Variants in ADGRG1 observed in about 807,000 individuals in gnomAD.
ADGRG1 encodes the protein adhesion G protein-coupled receptor G1.
In ADGRG1, 53 loss-of-function variants were observed where a neutral mutation model predicts 73.5. The observed-to-expected ratio is 0.72, with a 90% CI of 0.58 to 0.91. ADGRG1 has a LOEUF of 0.91. Among genes scored for constraint, ADGRG1 ranks in the 40% least tolerant of loss-of-function variants. The pLI is 0.00. For synonymous variants in ADGRG1, 394 were observed against 374.4 expected, an observed-to-expected ratio of 1.05 and a Z score of -0.60; for missense variants, 795 against 871.8, an observed-to-expected ratio of 0.91 and a Z score of 1.11.
intron 1 of ADGRG1, chr16:57,634,251 C>T (rs2038785370): frequency 1.1e-5 from 11 of 985,286 alleles, no homozygotes; most frequent in East Asian, 1.1e-4. Context: ...CCCTGGGTCT[C>T]GGACCCTGTG....
chr16:57,661,040 G>A (rs1197895535), intron 12 of ADGRG1, 164 bp downstream of exon 12: 1 of 165,558 alleles, frequency 6.0e-6, no homozygotes, highest in Non-Finnish European at 1.2e-5. Context: ...GTCATGGAGG[G>A]TGAGAAAAGG....
chr16:57,633,256 T>C, intron 1 of ADGRG1: 1 of 922,990 alleles, frequency 1.1e-6, no homozygotes, highest in Non-Finnish European at 1.3e-6. Flanking sequence ...CAAGAGGTTC[T>C]CCCTAAACCT....
chr16:57,644,279 C>T, intron 1 of ADGRG1: 1 of 751,098 alleles, frequency 1.3e-6, no homozygotes, highest in Middle Eastern at 6.8e-4. Context: ...CACACACACT[C>T]ATCACACACT....
chr16:57,655,210 CCAGCCAG>C (rs1189530894), intron 5 of ADGRG1, 182 bp from the exon 6 acceptor site: 20 of 985,238 alleles, frequency 2.0e-5, no homozygotes, highest in Non-Finnish European at 2.4e-5. Context: ...ACAAGACTCC[CCAGCCAG>C]AGCTGGTAGC....
chr16:57,628,619 C>G, upstream of ADGRG1: 1 of 985,500 alleles, frequency 1.0e-6, no homozygotes, highest in Non-Finnish European at 1.2e-6. Flanking sequence ...AAACCCGGTC[C>G]CTCCCTCTCC....
rs185061928 is a variant in ADGRG1 at position 57,661,278 on chromosome 16, A to G, written c.1664+402A>G. The G allele has an allele frequency of 1.4e-3, 1,414 of 985,334 alleles. 2 individuals are homozygous for G. Among genetic ancestry groups the G allele is most frequent in the Non-Finnish European group, 1.4e-3 (1,197 of 829,864 alleles). The allele number at this position is 985,334 out of a possible 1,614,324, so 61.0% of individuals were successfully genotyped here. A position where few individuals can be genotyped will look rare whatever the true frequency, so the allele number is the denominator to read the frequency against. ...GGGCTGGTGTGCTGTTCGGAGGCAG[A>G]GGATGAGTGGGGTTGAAGTCCAGTC... On this transcript the variant is annotated intron_variant, in intron 12 of 13. Coordinates refer to ENST00000562631, the MANE Select transcript of ADGRG1 (RefSeq NM_201525.4).
At chr16:57,657,641 T>C (rs1245112173) in intron 10 of ADGRG1, 150 bp downstream of exon 10, 1 of 735,910 alleles carries the variant, frequency 1.4e-6, no homozygotes, top group East Asian at 2.5e-5. Context: ...AGCTGACCCT[T>C]GGGGGCCACG....
chr16:57,625,205 G>A (rs1158884159), upstream of ADGRG1, among the ~76,000 whole-genome samples: 5 of 152,140 alleles, frequency 3.3e-5, no homozygotes, highest in South Asian at 2.1e-4. Context: ...TGGGCCTGGC[G>A]ACCCCAGTCC....
rs1418496917 is a variant in ADGRG1 at position 57,650,344 on chromosome 16, G to A, written c.57G>A (p.Leu19=). Residue 19 remains leucine (L), a synonymous_variant, in exon 2 of 14, where the codon CTG becomes CTA. Coordinates refer to ENST00000562631, the MANE Select transcript of ADGRG1 (RefSeq NM_201525.4). ...TTLFLLSLLF[L]VQGAHGRGHR... ...TGTTCCTGCTGAGTCTGCTCTTCCT[G>A]GTCCAAGGCAGGTCTTCCCAGGGGT... is the stretch of plus-strand genomic sequence containing the variant. 6.2e-7 allele frequency: 1 copy of A among 1,612,350 alleles called. No homozygotes were observed. Among genetic ancestry groups the A allele is most frequent in the African/African-American group, 1.3e-5 (1 of 74,884 alleles).
chr16:57,651,763 G>A (rs1361991445), intron 3 of ADGRG1, 141 bp downstream of exon 3: 5 of 1,512,118 alleles, frequency 3.3e-6, no homozygotes, highest in African/African-American at 1.4e-5. Context: ...CAGTGAAGGT[G>A]TCTGAGGAGG....
chr16:57,642,257 C>T (rs533786630), intron 1 of ADGRG1: 37 of 985,342 alleles, frequency 3.8e-5, no homozygotes, highest in East Asian at 3.4e-4. Flanking sequence ...CTGGTGCTGC[C>T]GGCCGAAGGG....
intron 1 of ADGRG1, chr16:57,642,245 A>C: frequency 1.0e-6 from 1 of 985,312 alleles, no homozygotes; most frequent in Non-Finnish European, 1.2e-6. Context: ...TTTCCCCACG[A>C]GCTGGTGCTG....
upstream of ADGRG1, chr16:57,627,724 C>T (rs2147102191): frequency 2.6e-6 from 2 of 782,076 alleles, no homozygotes; most frequent in East Asian, 1.7e-4. Context: ...CATCTATCCT[C>T]ATTGCTCGGA....
intron 1 of ADGRG1, chr16:57,635,832 G>GCAAGCTCCGTGTCC (rs2039217894): frequency 1.0e-6 from 1 of 985,202 alleles, no homozygotes; most frequent in South Asian, 4.7e-5. Context: ...GTGTCCCTGG[G>GCAAGCTCCGTGTCC]CAAGCTCCGT....
intron 1 of ADGRG1, chr16:57,641,688 C>T: frequency 6.3e-6 from 2 of 318,254 alleles, no homozygotes; most frequent in Non-Finnish European, 9.1e-6. Context: ...GCCTCAGCCT[C>T]CCGAGTAGCT....
rs536774489 is a variant in ADGRG1, at chr16:57,660,275, C to T, written c.1556-493C>T. ...TCTTCGCGGGTTTGTCATTGGGCCC[C>T]TTCTTTGTCCATTCCCCCATTTGCA... is the stretch of plus-strand genomic sequence containing the variant. On this transcript the variant is annotated intron_variant, in intron 11 of 13. Coordinates refer to ENST00000562631, the MANE Select transcript of ADGRG1 (RefSeq NM_201525.4). 1.3e-5 allele frequency: 13 copies of T among 985,362 alleles called. No individual in the cohort carries two copies. The South Asian group carries it at 5.6e-4, about 43-fold the overall frequency. 61.0% of individuals were successfully genotyped at this position (985,362 alleles called of 1,614,324 possible). A position where few individuals can be genotyped will look rare whatever the true frequency, so the allele number is the denominator to read the frequency against.
chr16:57,625,056 C>T (rs1158043276), upstream of ADGRG1, among the ~76,000 whole-genome samples: 3 of 152,068 alleles, frequency 2.0e-5, no homozygotes, highest in Non-Finnish European at 4.4e-5. Context: ...ATCACAGACT[C>T]CGGGCTCAGA....
At chr16:57,660,931 A>G in intron 12 of ADGRG1, 55 bp downstream of exon 12, 1 of 1,064,378 alleles carries the variant, frequency 9.4e-7, no homozygotes, top group Non-Finnish European at 1.5e-6. Flanking sequence ...CACAGAGGCC[A>G]GAGTGCAGCC....
In ADGRG1 at chr16:57,663,642, G is replaced by T; in HGVS notation, c.*60G>T. 1 of 1,586,472 alleles carries T rather than the reference G, an allele frequency of 6.3e-7. No homozygotes were observed. Among genetic ancestry groups the T allele is most frequent in the Non-Finnish European group, 8.6e-7 (1 of 1,165,744 alleles). On this transcript the variant is annotated 3_prime_UTR_variant, in exon 14 of 14. Transcript: ENST00000562631. ...GATTCGGCCTCGTCGCACACTGCCT[G>T]TGGCCCCCGAGCCCGGCCCAGCCCC...
Sources: gnomAD v4.1 joint callset for allele counts (sites outside exome capture counted in the v4.1 genomes callset) on GRCh38, gnomAD v4.1.1 for gene constraint, MANE v1.5 for transcripts, NCBI Gene and HGNC (gene_info 2026-07-23, HGNC 2026-07-21) for gene names.